GOLGA3: variants seen among roughly 807,000 people sequenced by gnomAD.
GOLGA3 encodes golgin subfamily A member 3.
In GOLGA3, 75 loss-of-function variants were observed where a neutral mutation model predicts 169.4. The observed-to-expected ratio is 0.44, with a 90% CI of 0.37 to 0.54. The LOEUF is 0.54. Among genes scored for constraint, GOLGA3 ranks in the 20% least tolerant of loss-of-function variants. The pLI, the probability that GOLGA3 is intolerant of heterozygous loss-of-function variation, is 0.00. For missense variants in GOLGA3, 1,899 were observed against 1,930.0 expected (o/e 0.98, Z 0.30); for synonymous variants, 824 against 822.4 (o/e 1.00, Z -0.03).
chr12:132,811,256 T>A (rs1401557561), intron 4 of GOLGA3, among the ~76,000 whole-genome samples: 4 of 151,972 alleles, frequency 2.6e-5, no homozygotes, highest in African/African-American at 9.7e-5. Flanking sequence ...ATTTCTACAC[T>A]CTCTCGTCTC....
At chr12:132,786,121 C>T (rs1327510406) in intron 15 of GOLGA3, among the ~76,000 whole-genome samples, 3 of 152,242 alleles carry the variant, frequency 2.0e-5, no homozygotes, top group Non-Finnish European at 2.9e-5. Context: ...GTGAACGCCA[C>T]AGGCCACAGG....
At chr12:132,827,525 A>G (rs773732508) in intron 1 of GOLGA3, 9 of 152,236 alleles carry the variant, frequency 5.9e-5, no homozygotes, top group Admixed American at 1.3e-4. Flanking sequence ...CGTGTCCTCA[A>G]TAAAATGACA....
At chr12:132,807,343 A>G in intron 5 of GOLGA3, 55 bp from the exon 6 acceptor site, 3 of 884,160 alleles carry the variant, frequency 3.4e-6, no homozygotes, top group Non-Finnish European at 5.2e-6. Flanking sequence ...TTTCTTTCAC[A>G]CTCCTCCACA....
At chr12:132,802,121 C>T (rs1374697005) in intron 7 of GOLGA3, 152 bp from the exon 8 acceptor site, 15 of 646,384 alleles carry the variant, frequency 2.3e-5, no homozygotes, top group Non-Finnish European at 3.5e-5. Flanking sequence ...ATGAAGTCGC[C>T]GTGAACACGG....
At position 132,780,843 on chromosome 12, in the gene GOLGA3, G is replaced by A. The variant is rs2045560511; in HGVS notation, c.3537C>T (p.Ala1179=). The part of the protein sequence containing the change: ...QMKHLVQALQ[A]SLEKEKEKVN... ...CCTTCTCCTTCTCCTTCTCTAGTGA[G>A]GCCTGCAGGGCCTGGACAAGATGCT... Residue 1179 remains alanine, a synonymous_variant, in exon 18 of 24, where the codon GCC becomes GCT. Coordinates refer to ENST00000450791, the MANE Select transcript of GOLGA3 (RefSeq NM_001389683.1). The A allele has an allele frequency of 6.2e-6, 10 of 1,612,212 alleles. No individual in the cohort carries two copies. The South Asian group carries it at 8.8e-5, about 14-fold the overall frequency.
At chr12:132,825,358 C>T (rs1025485884) in intron 1 of GOLGA3, among the ~76,000 whole-genome samples, 6 of 152,328 alleles carry the variant, frequency 3.9e-5, no homozygotes, top group Non-Finnish European at 7.3e-5. Context: ...TCTGCCATTG[C>T]GTGTGTGCCC....
intron 17 of GOLGA3, among the ~76,000 whole-genome samples, chr12:132,781,152 C>T (rs937391258): frequency 1.3e-5 from 2 of 152,196 alleles, no homozygotes; most frequent in South Asian, 4.1e-4. Flanking sequence ...GAGGCCAGGG[C>T]AGGAGGATCG....
chr12:132,815,905 AAAAAC>A (rs1949935435), intron 3 of GOLGA3, among the ~76,000 whole-genome samples: 1 of 152,212 alleles, frequency 6.6e-6, no homozygotes, highest in South Asian at 2.1e-4. Flanking sequence ...ACTCTAATTA[AAAAAC>A]AAAACAGGCT....
chr12:132,804,666 G>T lies in GOLGA3; in HGVS notation c.1597+50C>A. 2 of 1,460,862 alleles carry T rather than the reference G, an allele frequency of 1.4e-6. No homozygotes were observed. Among genetic ancestry groups the T allele is most frequent in the Non-Finnish European group, 1.9e-6 (2 of 1,056,948 alleles). 90.5% of individuals were successfully genotyped at this position (1,460,862 alleles called of 1,614,324 possible). On this transcript the variant is annotated intron_variant, in intron 7 of 23. Coordinates refer to ENST00000450791, the MANE Select transcript of GOLGA3 (RefSeq NM_001389683.1). The surrounding 1 kb of genome is among the most constrained non-coding windows in gnomAD (Gnocchi z 4.1). ...GGGCCAGTCGAGGAAGGAGGAGGGA[G>T]CAGCAGGGACCAGTCAGGGAGGGGA...
At chr12:132,796,483 G>C in intron 10 of GOLGA3, 56 bp downstream of exon 10, 1 of 1,555,372 alleles carries the variant, frequency 6.4e-7, no homozygotes, top group Admixed American at 1.8e-5. Context: ...GTGCAGTCCT[G>C]GCTGCTCGGG....
At chr12:132,787,876 AGACCCCAGGACCCTTCCTG>A (rs1162154567) in intron 13 of GOLGA3, among the ~76,000 whole-genome samples, 3 of 140,672 alleles carry the variant, frequency 2.1e-5, no homozygotes, top group African/African-American at 5.7e-5. Flanking sequence ...CCCCTTCCCG[AGACCCCAGGACCCTTCCTG>A]AGACCCCAGG....
At chr12:132,789,328 C>A (rs77794360) in intron 12 of GOLGA3, 38 bp from the exon 13 acceptor site, 13 of 1,521,768 alleles carry the variant, frequency 8.5e-6, no homozygotes, top group Middle Eastern at 2.4e-4. Flanking sequence ...CGCTGGGCGG[C>A]GGGGCGTGGG....
At chr12:132,803,493 G>A (rs1949233264) in intron 7 of GOLGA3, among the ~76,000 whole-genome samples, 1 of 152,114 alleles carries the variant, frequency 6.6e-6, no homozygotes, top group African/African-American at 2.4e-5. Context: ...AGTTCAGGTT[G>A]GTTTTGCCAC....
Position 132,775,153 on chromosome 12 carries a change from G to A in GOLGA3, c.4131C>T (p.Gly1377=), listed in dbSNP as rs372020882. Residue 1377 remains glycine (G), a synonymous_variant, in exon 22 of 24, where the codon GGC becomes GGT. Transcript: ENST00000450791. ...CGGGCCTGAGTACCGTCTTGGCCGCGCCGCGGCGTAGGTCCAGCTTGAGCT... is the reference window on the plus strand; with the variant it reads ...CGGGCCTGAGTACCGTCTTGGCCGCACCGCGGCGTAGGTCCAGCTTGAGCT... ...NQQLKLDLRR[G]AAKTRKEPKG... 4.5e-5 allele frequency: 73 copies of A among 1,613,434 alleles called. 1 individual carries two copies. The highest frequency in any genetic ancestry group is 5.3e-5 in the Non-Finnish European group (62 of 1,179,962).
intron 8 of GOLGA3, among the ~76,000 whole-genome samples, chr12:132,800,494 AAAAC>A (rs1196752693): frequency 2.6e-5 from 4 of 152,214 alleles, no homozygotes; most frequent in Middle Eastern, 3.2e-3. Flanking sequence ...ACTCCATCTC[AAAAC>A]AAACAAAAAA....
In GOLGA3 at chr12:132,824,685, C is replaced by T. The variant is rs576241255; in HGVS notation, c.-183-2374G>A. ...CAACGAATTCTCAATCTCATGTTTGCGTCTATGATCATCTAGTAACATCTC... is the reference window on the plus strand; with the variant it reads ...CAACGAATTCTCAATCTCATGTTTGTGTCTATGATCATCTAGTAACATCTC... On this transcript the variant is annotated intron_variant, in intron 1 of 23. Transcript: ENST00000450791. 5.3e-5 allele frequency among the ~76,000 whole-genome samples: 8 copies of T among 152,260 alleles called. No homozygotes were observed. The East Asian group carries it at 5.8e-4, about 11-fold the overall frequency.
intron 22 of GOLGA3, 121 bp from the exon 23 acceptor site, chr12:132,774,441 A>G (rs1593218223): frequency 2.3e-5 from 27 of 1,150,524 alleles, no homozygotes; most frequent in Non-Finnish European, 3.1e-5. Context: ...TGGGAAGGGG[A>G]CCGTCCTGGC....
In GOLGA3 at chr12:132,780,888, T is replaced by C. The variant is rs1221512054; in HGVS notation, c.3492A>G (p.Glu1164=). The part of the protein sequence containing the change: ...LQVQAVLQRK[E]EEDRQMKHLV... ...GATGCTTCATCTGGCGATCCTCCTC[T>C]TCTTTGCGCTGCAAAACTGCCTGCA... Residue 1164 remains glutamate (E), a synonymous_variant, in exon 18 of 24, where the codon GAA becomes GAG. Transcript: ENST00000450791. The C allele has an allele frequency of 2.5e-6, 4 of 1,611,756 alleles. No homozygotes were observed. The highest frequency in any genetic ancestry group is 4.5e-5 in the East Asian group (2 of 44,884).
intron 18 of GOLGA3, among the ~76,000 whole-genome samples, chr12:132,780,543 C>T (rs1049996414): frequency 6.6e-5 from 10 of 152,244 alleles, no homozygotes; most frequent in African/African-American, 1.9e-4. Flanking sequence ...CAGGACACCA[C>T]TCCCAGCACA....
Sources: allele counts gnomAD v4.1 joint callset (sites outside exome capture counted in the v4.1 genomes callset), GRCh38; gene constraint gnomAD v4.1.1; non-coding constraint Gnocchi (gnomAD v3.1); transcripts MANE v1.5; gene names NCBI Gene and HGNC (gene_info 2026-07-23, HGNC 2026-07-21).